ESD: variants seen among roughly 807,000 people sequenced by gnomAD.
ESD encodes the protein esterase D, also known as S-formylglutathione hydrolase.
A neutral mutation model predicts 38.1 loss-of-function variants in ESD; 34 were observed. The ratio of observed to expected loss-of-function variants is 0.89; its 90% CI spans 0.68 to 1.19. ESD has a LOEUF of 1.19. Ranked by LOEUF, ESD falls within the 50% of genes most tolerant of loss-of-function variation. The probability of loss-of-function intolerance (pLI) is 0.00; values close to 1 mark genes in which losing one functional copy is unlikely to be tolerated. For missense variants in ESD, 334 were observed against 327.2 expected (o/e 1.02, Z -0.16); for synonymous variants, 97 against 107.0 (o/e 0.91, Z 0.58).
At chr13:46,783,782 T>C (rs1875094682) in intron 5 of ESD, among the ~76,000 whole-genome samples, 1 of 151,982 alleles carries the variant, frequency 6.6e-6, no homozygotes, top group South Asian at 2.1e-4. Context: ...TCTCACGTAG[T>C]TGATATTTTC....
rs553184353 is a variant in ESD, at chr13:46,782,825, C to G, written c.257-34G>C. 27 of 1,608,624 alleles carry G rather than the reference C, an allele frequency of 1.7e-5. No individual in the cohort carries two copies. The African/African-American group carries it at 3.3e-4, about 20-fold the overall frequency. On this transcript the variant is annotated intron_variant, in intron 5 of 9. Coordinates refer to ENST00000378720, the MANE Select transcript of ESD (RefSeq NM_001984.2). ...AAACAATCTTGTGGTTTCATCTGCT[C>G]TGTAGTAATGGCCCATGTTTAATAA...
intron 3 of ESD, among the ~76,000 whole-genome samples, chr13:46,790,867 T>G (rs531671558): frequency 1.3e-5 from 2 of 152,264 alleles, no homozygotes; most frequent in African/African-American, 4.8e-5. Flanking sequence ...TCTAAAATGT[T>G]ATTCTTAGCT....
At chr13:46,773,245 C>T (rs111790930) in intron 9 of ESD, among the ~76,000 whole-genome samples, 22 of 152,208 alleles carry the variant, frequency 1.4e-4, no homozygotes, top group African/African-American at 4.8e-4. Flanking sequence ...GATTTATATT[C>T]CTTTGGGTAT....
chr13:46,784,202 T>C (rs747008105), intron 5 of ESD, 50 bp downstream of exon 5: 3 of 1,411,670 alleles, frequency 2.1e-6, no homozygotes, highest in Admixed American at 1.8e-5. Flanking sequence ...TTTATACCAG[T>C]CTTAAAGATT....
At chr13:46,784,136 A>T in intron 5 of ESD, 116 bp downstream of exon 5, 1 of 765,108 alleles carries the variant, frequency 1.3e-6, no homozygotes, top group Non-Finnish European at 2.0e-6. Context: ...TTGAAAGGTT[A>T]ATAGAGATAA....
chr13:46,778,465 A>G (rs778085655), intron 8 of ESD, among the ~76,000 whole-genome samples: 5 of 151,784 alleles, frequency 3.3e-5, no homozygotes, highest in Non-Finnish European at 7.4e-5. Flanking sequence ...CCTGATTTCA[A>G]TCGTAAATTA....
chr13:46,779,031 A>T (rs1394512395), intron 8 of ESD, among the ~76,000 whole-genome samples: 3 of 151,702 alleles, frequency 2.0e-5, no homozygotes, highest in Non-Finnish European at 4.4e-5. Context: ...TGTTAACAAT[A>T]CACATCATGA....
At chr13:46,778,886 A>G (rs1874897612) in intron 8 of ESD, among the ~76,000 whole-genome samples, 1 of 151,820 alleles carries the variant, frequency 6.6e-6, no homozygotes, top group Non-Finnish European at 1.5e-5. Context: ...CTTAAATAAA[A>G]TGTGTTGGAA....
Position 46,782,681 on chromosome 13 carries a change from A to G in ESD, c.367T>C (p.Tyr123His), listed in dbSNP as rs781194315. The change falls in exon 6 of 10, where the codon TAT becomes CAT. Residue 123 changes from tyrosine to histidine, a missense_variant. Tyr to His is a moderately conservative substitution (Grantham distance 83). Transcript: ENST00000378720. ...AATTAAATTACCTCCTCTGTGACAT[A>G]AGAGTACATTCTGTAGTTGGTTTTC... The part of the protein sequence containing the change: ...PWKTNYRMYS[Y>H]VTEELPQLIN... 2.5e-6 allele frequency: 4 copies of G among 1,612,004 alleles called. No homozygotes were observed. In the South Asian group the frequency reaches 3.3e-5, roughly 13 times the overall value.
At chr13:46,792,926 T>G (rs925228506) in intron 2 of ESD, among the ~76,000 whole-genome samples, 1 of 152,036 alleles carries the variant, frequency 6.6e-6, no homozygotes, top group Non-Finnish European at 1.5e-5. Context: ...AAGGACTATA[T>G]CCACTTTGCA....
At chr13:46,775,770 T>G (rs1874777523) in intron 9 of ESD, 3 of 439,456 alleles carry the variant, frequency 6.8e-6, no homozygotes, top group African/African-American at 2.0e-5. Context: ...TCTTACTTTT[T>G]TAGAAGAATT....
chr13:46,777,476 C>A lies in ESD; in HGVS notation c.748G>T (p.Val250Phe). Residue 250 changes from valine to phenylalanine, a missense_variant, in exon 9 of 10, where the codon GTT (valine) becomes TTT (phenylalanine). Transcript: ENST00000378720. ...IAACTEKKIP[V>F]VFRLQEGYDH... ...CTTGCCTCTTGCAATCGAAAAACAA[C>A]GGGGATTTTCTTTTCTGTACAGGCA... The A allele has an allele frequency of 1.2e-6, 2 of 1,603,932 alleles. No individual in the cohort carries two copies. The highest frequency in any genetic ancestry group is 1.7e-6 in the Non-Finnish European group (2 of 1,173,930).
intron 3 of ESD, among the ~76,000 whole-genome samples, chr13:46,788,573 T>C (rs1309661652): frequency 1.3e-5 from 2 of 150,210 alleles, no homozygotes; most frequent in Non-Finnish European, 3.0e-5. Flanking sequence ...GTTTTGTTAT[T>C]ACAACAAAAT....
chr13:46,773,181 G>A (rs1267147866), intron 9 of ESD, among the ~76,000 whole-genome samples: 1 of 152,124 alleles, frequency 6.6e-6, no homozygotes, highest in Admixed American at 6.5e-5. Context: ...CTATTGAATA[G>A]TATTGAATAG....
chr13:46,777,429 A>T, intron 9 of ESD, 27 bp downstream of exon 9: 1 of 1,554,168 alleles, frequency 6.4e-7, no homozygotes, highest in Non-Finnish European at 8.8e-7. Context: ...CATTATCTAG[A>T]TCAAGCTAAA....
intron 9 of ESD, among the ~76,000 whole-genome samples, chr13:46,772,131 C>T (rs1874627548): frequency 6.6e-6 from 1 of 152,188 alleles, no homozygotes; most frequent in African/African-American, 2.4e-5. Context: ...ATTCCTCCTA[C>T]ACAGTAAAAG....
rs1262638159 is a variant in ESD at position 46,793,989 on chromosome 13, T to C, written c.-55-545A>G. Among the ~76,000 whole-genome samples, 6 of 152,150 alleles carry C rather than the reference T, an allele frequency of 3.9e-5. 1 individual carries two copies. The highest frequency in any genetic ancestry group is 7.2e-5 in the African/African-American group (3 of 41,416). On this transcript the variant is annotated intron_variant, in intron 1 of 9. Coordinates refer to ENST00000378720, the MANE Select transcript of ESD (RefSeq NM_001984.2). The stretch of plus-strand genomic sequence containing the variant: ...TGACTGATATTCAGTAAGAAAAATA[T>C]ATATGGAAACTTACATAGTATATAT...
intron 5 of ESD, 41 bp downstream of exon 5, chr13:46,784,211 T>C (rs1875109447): frequency 6.7e-7 from 1 of 1,491,280 alleles, no homozygotes; most frequent in South Asian, 1.1e-5. Flanking sequence ...GTCTTAAAGA[T>C]TTAGATTTTT....
chr13:46,788,976 T>G (rs1019658621), intron 3 of ESD, among the ~76,000 whole-genome samples: 2 of 152,158 alleles, frequency 1.3e-5, no homozygotes, highest in Admixed American at 6.6e-5. Context: ...GTTCTATCTA[T>G]GTATTGTCCA....
Sources: allele counts gnomAD v4.1 joint callset (sites outside exome capture counted in the v4.1 genomes callset), GRCh38; gene constraint gnomAD v4.1.1; transcripts MANE v1.5; gene names NCBI Gene and HGNC (gene_info 2026-07-23, HGNC 2026-07-21).